RGS7: variants seen among roughly 807,000 people sequenced by gnomAD.
RGS7 encodes regulator of G protein signaling 7, also known as regulator of G-protein signaling 7.
A neutral mutation model predicts 81.1 loss-of-function variants in RGS7; 27 were observed. The observed-to-expected ratio is 0.33, with a 90% CI of 0.25 to 0.46. The LOEUF (loss-of-function observed/expected upper bound fraction) is 0.46, where lower values mean the gene tolerates loss of function less well. Ranked by LOEUF, RGS7 falls within the 20% of genes least tolerant of loss-of-function variation. RGS7 has a pLI of 1.00. For synonymous variants in RGS7, 208 were observed against 207.7 expected, an observed-to-expected ratio of 1.00 and a Z score of -0.01; for missense variants, 396 against 607.4, an observed-to-expected ratio of 0.65 and a Z score of 3.66.
chr1:240,809,195 T>C (rs1689410946), intron 14 of RGS7, among the ~76,000 whole-genome samples: 1 of 152,170 alleles, frequency 6.6e-6, no homozygotes, highest in African/African-American at 2.4e-5. Flanking sequence ...AAAAAAAGAA[T>C]GAGGGAAATA....
chr1:240,798,538 C>T (rs1411350781), intron 18 of RGS7, among the ~76,000 whole-genome samples: 3 of 152,036 alleles, frequency 2.0e-5, no homozygotes, highest in Non-Finnish European at 4.4e-5. Flanking sequence ...AGGGTGGATC[C>T]GTGGAAATAG....
chr1:241,000,484 G>A (rs1344250372), intron 3 of RGS7, among the ~76,000 whole-genome samples: 2 of 152,020 alleles, frequency 1.3e-5, no homozygotes, highest in African/African-American at 4.8e-5. Flanking sequence ...AACAAAGAAG[G>A]AAATATTTTA....
intron 2 of RGS7, among the ~76,000 whole-genome samples, chr1:241,342,664 A>G (rs889360340): frequency 6.6e-6 from 1 of 152,238 alleles, no homozygotes; most frequent in Non-Finnish European, 1.5e-5. Flanking sequence ...GTGGTTGTAT[A>G]GTCCATAGGC....
intron 3 of RGS7, among the ~76,000 whole-genome samples, chr1:241,055,820 G>A (rs990340091): frequency 2.0e-5 from 3 of 152,114 alleles, no homozygotes; most frequent in Admixed American, 1.3e-4. Context: ...CCCATCCTGA[G>A]GCTACCCAGG....
chr1:241,221,053 AAGAAAG>A lies in RGS7; in HGVS notation c.79-122297_79-122292del, dbSNP rs1211179799. On this transcript the variant is annotated intron_variant, in intron 2 of 18. Coordinates refer to ENST00000440928, the MANE Select transcript of RGS7 (RefSeq NM_001364886.1). Reference sequence around the variant, plus strand: ...AGGAAGGAAGGAAAAGAAAGAAAGAAAGAAAGAGAGAGAGAGAGAAAGGAAGGAAGG... The same window carrying A: ...AGGAAGGAAGGAAAAGAAAGAAAGAAAGAGAGAGAGAGAAAGGAAGGAAGG... Among the ~76,000 whole-genome samples, 10 of 126,154 alleles carry A rather than the reference AAGAAAG, an allele frequency of 7.9e-5. 1 individual carries two copies. In the South Asian group the frequency reaches 2.1e-3, roughly 26 times the overall value. 82.8% of individuals were successfully genotyped at this position (126,154 alleles called of 152,430 possible).
chr1:241,158,127 AAACTTTT>A (rs2103175936), intron 2 of RGS7, among the ~76,000 whole-genome samples: 1 of 152,176 alleles, frequency 6.6e-6, no homozygotes, highest in African/African-American at 2.4e-5. Flanking sequence ...CCCCATAAAT[AAACTTTT>A]ATTAGGACAC....
intron 3 of RGS7, among the ~76,000 whole-genome samples, chr1:241,050,212 G>A (rs745314923): frequency 2.0e-5 from 3 of 152,098 alleles, no homozygotes; most frequent in Admixed American, 1.3e-4. Flanking sequence ...GAAGATAGAT[G>A]GCACAGCCAG....
intron 4 of RGS7, among the ~76,000 whole-genome samples, chr1:240,976,752 T>C (rs1684125417): frequency 6.7e-6 from 1 of 148,704 alleles, no homozygotes; most frequent in African/African-American, 2.4e-5. Context: ...TCTATCTATC[T>C]ATCTATCTAT....
chr1:241,200,129 C>G (rs950622561), intron 2 of RGS7, among the ~76,000 whole-genome samples: 2 of 152,082 alleles, frequency 1.3e-5, no homozygotes, highest in African/African-American at 4.8e-5. Context: ...TGAAGTTAAT[C>G]TCATGTGAAA....
intron 9 of RGS7, among the ~76,000 whole-genome samples, chr1:240,855,940 G>A (rs867584135): frequency 1.7e-4 from 26 of 152,010 alleles, no homozygotes; most frequent in Admixed American, 5.9e-4. Flanking sequence ...TTTATGACTA[G>A]AAAGGTTAAA....
At chr1:240,865,532 C>T (rs192765856) in intron 9 of RGS7, among the ~76,000 whole-genome samples, 265 of 152,274 alleles carry the variant, frequency 1.7e-3, no homozygotes, top group African/African-American at 5.9e-3. Flanking sequence ...CTAGAAGACA[C>T]TTAAATTTTA....
At chr1:241,266,065 A>G (rs1395705761) in intron 2 of RGS7, among the ~76,000 whole-genome samples, 2 of 152,124 alleles carry the variant, frequency 1.3e-5, no homozygotes, top group African/African-American at 4.8e-5. Flanking sequence ...AAGTGCTGGG[A>G]TTACAGGCAT....
chr1:241,189,233 G>A (rs915682749), intron 2 of RGS7, among the ~76,000 whole-genome samples: 1 of 152,280 alleles, frequency 6.6e-6, no homozygotes, highest in East Asian at 1.9e-4. Context: ...TGATAGGTAG[G>A]TATGTAGTGA....
At chr1:241,262,600 A>G (rs2077392908) in intron 2 of RGS7, among the ~76,000 whole-genome samples, 1 of 152,238 alleles carries the variant, frequency 6.6e-6, no homozygotes, top group Non-Finnish European at 1.5e-5. Flanking sequence ...AATTGTGGCC[A>G]CATCTCACAT....
intron 2 of RGS7, among the ~76,000 whole-genome samples, chr1:241,133,927 A>G (rs1178828049): frequency 6.6e-6 from 1 of 152,190 alleles, no homozygotes; most frequent in Non-Finnish European, 1.5e-5. Flanking sequence ...AGGGAGAGAG[A>G]GAGGCAGAGG....
intron 9 of RGS7, among the ~76,000 whole-genome samples, chr1:240,844,671 A>G (rs573639045): frequency 6.6e-6 from 1 of 152,382 alleles, no homozygotes; most frequent in South Asian, 2.1e-4. Flanking sequence ...AGCAAAAAAG[A>G]ACAGTTTCAC....
intron 6 of RGS7, among the ~76,000 whole-genome samples, chr1:240,925,763 T>C (rs954436827): frequency 6.6e-6 from 1 of 152,244 alleles, no homozygotes; most frequent in African/African-American, 2.4e-5. Flanking sequence ...AACATTCTGT[T>C]TTCTCCATAG....
chr1:240,797,309 G>A (rs1321167773), intron 18 of RGS7, among the ~76,000 whole-genome samples: 2 of 152,102 alleles, frequency 1.3e-5, no homozygotes, highest in Non-Finnish European at 2.9e-5. Context: ...CTTAATGTTT[G>A]CATAGCAGAC....
chr1:241,181,126 G>T (rs4659590), intron 2 of RGS7, among the ~76,000 whole-genome samples: 1 of 152,042 alleles, frequency 6.6e-6, no homozygotes, highest in African/African-American at 2.4e-5. Context: ...ATTCTATAAC[G>T]GTGGACACAC....
Sources: gnomAD v4.1 joint callset for allele counts (sites outside exome capture counted in the v4.1 genomes callset) on GRCh38, gnomAD v4.1.1 for gene constraint, MANE v1.5 for transcripts, NCBI Gene and HGNC (gene_info 2026-07-23, HGNC 2026-07-21) for gene names.